Variants in CACNB2 observed in about 807,000 individuals in gnomAD.
CACNB2 encodes calcium voltage-gated channel auxiliary subunit beta 2.
A neutral mutation model predicts 73.3 loss-of-function variants in CACNB2; 42 were observed. That is an observed-to-expected ratio of 0.57 (90% CI 0.45 to 0.74). The LOEUF is 0.74. Among genes scored for constraint, CACNB2 ranks in the 30% least tolerant of loss-of-function variants. The pLI, the probability that CACNB2 is intolerant of heterozygous loss-of-function variation, is 0.00. For synonymous variants in CACNB2, 348 were observed against 310.3 expected, an observed-to-expected ratio of 1.12 and a Z score of -1.28; for missense variants, 940 against 853.0, an observed-to-expected ratio of 1.10 and a Z score of -1.27.
At chr10:18,333,302 C>A (rs2040875171) in intron 2 of CACNB2, among the ~76,000 whole-genome samples, 1 of 152,068 alleles carries the variant, frequency 6.6e-6, no homozygotes, top group Non-Finnish European at 1.5e-5. Flanking sequence ...CGGGATTGAT[C>A]ATGGCTTCTT....
intron 2 of CACNB2, among the ~76,000 whole-genome samples, chr10:18,340,001 G>C (rs1302624006): frequency 2.6e-5 from 4 of 152,080 alleles, no homozygotes; most frequent in African/African-American, 7.2e-5. Flanking sequence ...TGTGATTTCA[G>C]TTTGTATTTC....
At chr10:18,488,444 C>T (rs936897802) in intron 3 of CACNB2, among the ~76,000 whole-genome samples, 17 of 136,388 alleles carry the variant, frequency 1.2e-4, no homozygotes, top group East Asian at 6.6e-4. Context: ...CACTGCACTC[C>T]GGCCTGGGCG....
rs1157722971 is a variant in CACNB2, at chr10:18,498,469, G to A, written c.448G>A (p.Val150Ile). 30 of 1,613,946 alleles carry A rather than the reference G, an allele frequency of 1.9e-5. No homozygotes were observed. Among genetic ancestry groups the A allele is most frequent in the Non-Finnish European group, 2.5e-5 (29 of 1,179,954 alleles). Reference protein sequence around the residue: ...ISFEAKDFLHVKEKFNNDWWI... With the variant: ...ISFEAKDFLHIKEKFNNDWWI... ...ATTCGAAGCAAAAGATTTTCTGCAT[G>A]TTAAGGAAGTAAGGAGAATAATTTC... The change falls in exon 4 of 14, where the codon GTT (valine) becomes ATT (isoleucine). Residue 150 changes from valine to isoleucine, a missense_variant. Coordinates refer to ENST00000324631, the MANE Select transcript of CACNB2 (RefSeq NM_201596.3).
At chr10:18,521,698 C>T (rs1197944013) in intron 9 of CACNB2, among the ~76,000 whole-genome samples, 1 of 152,156 alleles carries the variant, frequency 6.6e-6, no homozygotes, top group Admixed American at 6.5e-5. Context: ...GTTAAGCCAG[C>T]TCCTGAAGCA....
chr10:18,300,574 T>A (rs1370590533), intron 2 of CACNB2, among the ~76,000 whole-genome samples: 1 of 152,252 alleles, frequency 6.6e-6, no homozygotes, highest in African/African-American at 2.4e-5. Flanking sequence ...ACTCTAGGTG[T>A]TTGTTATGCC....
In CACNB2 at chr10:18,334,134, T is replaced by C. The variant is rs535522607; in HGVS notation, c.214-67790T>C. Among the ~76,000 whole-genome samples, 3 of 152,296 alleles carry C rather than the reference T, an allele frequency of 2.0e-5. No homozygotes were observed. In the South Asian group the frequency reaches 6.2e-4, roughly 32 times the overall value. On this transcript the variant is annotated intron_variant, in intron 2 of 13. Transcript: ENST00000324631. ...GCATCTAGTTATAATGTCATTTTCA[T>C]TAAGCCCTTTTCACTGTTTAGCAAA...
At chr10:18,262,031 C>A (rs574645166) in intron 2 of CACNB2, 16 of 518,680 alleles carry the variant, frequency 3.1e-5, no homozygotes, top group Non-Finnish European at 5.4e-5. Flanking sequence ...ACTCCTTTTG[C>A]GAGCAGCTAC....
chr10:18,366,530 C>A (rs1483125105), intron 2 of CACNB2, among the ~76,000 whole-genome samples: 1 of 146,632 alleles, frequency 6.8e-6, no homozygotes, highest in Non-Finnish European at 1.5e-5. Flanking sequence ...TTTTAATAAT[C>A]AATTAATATA....
intron 2 of CACNB2, among the ~76,000 whole-genome samples, chr10:18,163,900 C>A (rs1013620406): frequency 6.6e-6 from 1 of 152,036 alleles, no homozygotes; most frequent in Non-Finnish European, 1.5e-5. Context: ...CGTGGAGAAG[C>A]AGTGCTTTCA....
chr10:18,227,897 T>G (rs1173961257), intron 2 of CACNB2, among the ~76,000 whole-genome samples: 1 of 152,210 alleles, frequency 6.6e-6, no homozygotes, highest in South Asian at 2.1e-4. Flanking sequence ...ACATCCAAGA[T>G]AGAGTCACTT....
In CACNB2 at chr10:18,220,232, TAGAGAGAGAGAGAGAGAGAG is replaced by T. The variant is rs1169176468; in HGVS notation, c.213+69281_213+69300del. Among the ~76,000 whole-genome samples, 3 of 25,094 alleles carry T rather than the reference TAGAGAGAGAGAGAGAGAGAG, an allele frequency of 1.2e-4. No individual in the cohort carries two copies. In the South Asian group the frequency reaches 5.6e-3, roughly 46 times the overall value. The allele number at this position is 25,094 out of a possible 152,430, so 16.5% of individuals were successfully genotyped here. ...ATATATATATATATATATATATATA[TAGAGAGAGAGAGAGAGAGAG>T]AGAGAGAGAGAGAGAGAGAGAGAAA... On this transcript the variant is annotated intron_variant, in intron 2 of 13. Coordinates refer to ENST00000324631, the MANE Select transcript of CACNB2 (RefSeq NM_201596.3).
At chr10:18,269,229 T>A (rs965836356) in intron 2 of CACNB2, among the ~76,000 whole-genome samples, 15 of 152,200 alleles carry the variant, frequency 9.9e-5, no homozygotes, top group African/African-American at 3.6e-4. Flanking sequence ...TTTCCATTAA[T>A]TTGTGCTAGC....
At chr10:18,395,766 A>G (rs1440916822) in intron 2 of CACNB2, among the ~76,000 whole-genome samples, 2 of 152,172 alleles carry the variant, frequency 1.3e-5, no homozygotes, top group Admixed American at 6.6e-5. Context: ...CTCTGTTACT[A>G]TTTTGACACT....
intron 3 of CACNB2, among the ~76,000 whole-genome samples, chr10:18,456,379 C>A (rs2047281757): frequency 6.6e-6 from 1 of 152,192 alleles, no homozygotes; most frequent in African/African-American, 2.4e-5. Flanking sequence ...AGGAGGATCA[C>A]TTGAACCTGG....
chr10:18,385,366 C>T (rs949615032), intron 2 of CACNB2, among the ~76,000 whole-genome samples: 11 of 80,556 alleles, frequency 1.4e-4, no homozygotes, highest in African/African-American at 4.1e-4. Flanking sequence ...TTTGTAATAC[C>T]CCCCCCCCTC....
chr10:18,532,697 C>A (rs11014693), intron 10 of CACNB2, among the ~76,000 whole-genome samples: 38,173 of 119,244 alleles, frequency 0.32, 7,344 homozygotes, highest in Non-Finnish European at 0.35. Flanking sequence ...AAAAAAAAAA[C>A]AAAACAAAAA....
chr10:18,535,943 T>C (rs916472570), intron 11 of CACNB2, among the ~76,000 whole-genome samples, 158 bp from the exon 12 acceptor site: 4 of 152,134 alleles, frequency 2.6e-5, no homozygotes, highest in East Asian at 1.9e-4. Context: ...CTGTGATTTA[T>C]GTTAACATGT....
intron 2 of CACNB2, among the ~76,000 whole-genome samples, chr10:18,265,289 C>T (rs922759206): frequency 6.6e-6 from 1 of 151,684 alleles, no homozygotes; most frequent in African/African-American, 2.4e-5. Flanking sequence ...GCCAATTTCA[C>T]GCCCAGCTAA....
chr10:18,336,488 G>A (rs982176313), intron 2 of CACNB2, among the ~76,000 whole-genome samples: 2 of 152,092 alleles, frequency 1.3e-5, no homozygotes, highest in Non-Finnish European at 2.9e-5. Context: ...GTGTAATGGC[G>A]AGTGCCTGTA....
Sources: gnomAD v4.1 joint callset for allele counts (sites outside exome capture counted in the v4.1 genomes callset) on GRCh38, gnomAD v4.1.1 for gene constraint, MANE v1.5 for transcripts, NCBI Gene and HGNC (gene_info 2026-07-23, HGNC 2026-07-21) for gene names.